Variants in MACROD2 observed in about 807,000 individuals in gnomAD.
MACROD2 encodes ADP-ribose glycohydrolase MACROD2.
In MACROD2, 36 loss-of-function variants were observed where a neutral mutation model predicts 70.4. The ratio of observed to expected loss-of-function variants is 0.51; its 90% confidence interval spans 0.39 to 0.68. MACROD2 has a LOEUF of 0.68. MACROD2 is among the 30% of genes least tolerant of loss of function. The pLI is 0.00. For synonymous variants in MACROD2, 172 were observed against 178.8 expected, an observed-to-expected ratio of 0.96 and a Z score of 0.30; for missense variants, 496 against 538.4, an observed-to-expected ratio of 0.92 and a Z score of 0.78.
At chr20:15,477,031 G>C in intron 7 of MACROD2, among the ~76,000 whole-genome samples, 1 of 150,922 alleles carries the variant, frequency 6.6e-6, no homozygotes, top group East Asian at 1.9e-4. Context: ...CGCTTGGACT[G>C]ATCTCCACTG....
Position 15,694,118 on chromosome 20 carries a change from A to T in MACROD2, c.646-168627A>T, listed in dbSNP as rs192480268. On this transcript the variant is annotated intron_variant, in intron 8 of 17. Coordinates refer to ENST00000684519, the MANE Select transcript of MACROD2 (RefSeq NM_001351661.2). Reference sequence around the variant, plus strand: ...AGTTTCTTTAGCCACTTGTTGATTGATGGGCATTTTGGTTGGTTGCACGGT... The same window carrying T: ...AGTTTCTTTAGCCACTTGTTGATTGTTGGGCATTTTGGTTGGTTGCACGGT... Among the ~76,000 whole-genome samples the T allele has an allele frequency of 1.3e-3, 191 of 152,252 alleles. 1 individual carries two copies. The highest frequency in any genetic ancestry group is 2.6e-3 in the African/African-American group (107 of 41,550).
At chr20:14,057,276 C>T (rs935716446) in intron 2 of MACROD2, among the ~76,000 whole-genome samples, 1 of 152,082 alleles carries the variant, frequency 6.6e-6, no homozygotes, top group Non-Finnish European at 1.5e-5. Flanking sequence ...GATTGATAAC[C>T]TGGACTGTTG....
intron 8 of MACROD2, among the ~76,000 whole-genome samples, chr20:15,846,792 A>C (rs1006991077): frequency 6.6e-6 from 1 of 151,980 alleles, no homozygotes; most frequent in Non-Finnish European, 1.5e-5. Flanking sequence ...CATGACTAGA[A>C]CATATGGTGA....
chr20:14,790,727 C>T (rs148042710), intron 5 of MACROD2, among the ~76,000 whole-genome samples: 1,621 of 152,200 alleles, frequency 0.011, 49 homozygotes, highest in African/African-American at 0.037. Context: ...GTTCACTAAT[C>T]GCCCCATGGA....
At chr20:14,250,220 G>T (rs2082000170) in intron 3 of MACROD2, among the ~76,000 whole-genome samples, 1 of 151,956 alleles carries the variant, frequency 6.6e-6, no homozygotes, top group Non-Finnish European at 1.5e-5. Context: ...GCGCAGTTGA[G>T]AGGATGTACT....
chr20:14,264,932 A>G (rs1388376397), intron 3 of MACROD2, among the ~76,000 whole-genome samples: 1 of 152,236 alleles, frequency 6.6e-6, no homozygotes, highest in African/African-American at 2.4e-5. Flanking sequence ...AATAATAACC[A>G]GAATGCAAAA....
intron 5 of MACROD2, among the ~76,000 whole-genome samples, chr20:14,946,556 A>G (rs1162759048): frequency 6.6e-6 from 1 of 152,128 alleles, no homozygotes; most frequent in Non-Finnish European, 1.5e-5. Context: ...TTGCATAAAT[A>G]TGATAGCATA....
At position 15,159,896 on chromosome 20, in the gene MACROD2, G is replaced by A. The variant is rs142200385; in HGVS notation, c.419-70044G>A. On this transcript the variant is annotated intron_variant, in intron 5 of 17. Coordinates refer to ENST00000684519, the MANE Select transcript of MACROD2 (RefSeq NM_001351661.2). ...AGTGGGAGAGGTTGGATCTTGGGGC[G>A]TTTGAGTTGACTTTCCCAGGAAAAT... 6.0e-3 allele frequency among the ~76,000 whole-genome samples: 906 copies of A among 152,066 alleles called. 5 individuals are homozygous for A. Among genetic ancestry groups the A allele is most frequent in the South Asian group, 0.015 (71 of 4,812 alleles).
At chr20:14,686,669 G>A (rs1407174776) in intron 5 of MACROD2, among the ~76,000 whole-genome samples, 1 of 152,136 alleles carries the variant, frequency 6.6e-6, no homozygotes, top group Non-Finnish European at 1.5e-5. Context: ...CTATAGTCTA[G>A]GTGTGTAGTA....
intron 13 of MACROD2, among the ~76,000 whole-genome samples, chr20:15,971,228 CTT>C (rs2066225558): frequency 6.6e-6 from 1 of 152,110 alleles, no homozygotes; most frequent in African/African-American, 2.4e-5. Flanking sequence ...TTCAGAGAAT[CTT>C]GAGATTCTCT....
At chr20:14,610,182 G>A (rs1400382797) in intron 4 of MACROD2, among the ~76,000 whole-genome samples, 1 of 151,946 alleles carries the variant, frequency 6.6e-6, no homozygotes, top group African/African-American at 2.4e-5. Context: ...GTTTGGAAAG[G>A]GGTTTATTGT....
chr20:14,412,474 C>T (rs2083760399), intron 3 of MACROD2, among the ~76,000 whole-genome samples: 1 of 152,120 alleles, frequency 6.6e-6, no homozygotes, highest in African/African-American at 2.4e-5. Flanking sequence ...GTTACAGACC[C>T]TAGGAGCAGT....
intron 3 of MACROD2, among the ~76,000 whole-genome samples, chr20:14,140,721 T>G (rs552639358): frequency 2.6e-5 from 4 of 152,258 alleles, no homozygotes; most frequent in Non-Finnish European, 5.9e-5. Context: ...GGGTGGGAGC[T>G]GGCTGGTTTT....
chr20:15,613,415 GC>G (rs1212043007), intron 8 of MACROD2, among the ~76,000 whole-genome samples: 1 of 152,146 alleles, frequency 6.6e-6, no homozygotes, highest in African/African-American at 2.4e-5. Context: ...TGTCCTTCCT[GC>G]CTTGAAAAAG....
intron 8 of MACROD2, among the ~76,000 whole-genome samples, chr20:15,761,192 C>T (rs535372399): frequency 1.3e-5 from 2 of 152,242 alleles, no homozygotes; most frequent in East Asian, 3.9e-4. Flanking sequence ...ATCACAGGCA[C>T]GCACCACCAG....
intron 8 of MACROD2, among the ~76,000 whole-genome samples, chr20:15,516,174 C>G (rs1443955414): frequency 2.0e-5 from 3 of 151,882 alleles, no homozygotes; most frequent in Non-Finnish European, 4.4e-5. Flanking sequence ...TTTTTTTAGT[C>G]CACTCAACAT....
At chr20:14,202,747 T>C (rs767197366) in intron 3 of MACROD2, among the ~76,000 whole-genome samples, 1 of 152,108 alleles carries the variant, frequency 6.6e-6, no homozygotes, top group Admixed American at 6.6e-5. Flanking sequence ...CTAAAGGAGG[T>C]AGAAATTCTC....
rs974819124 is a variant in MACROD2, at chr20:14,758,020, C to A, written c.418+73061C>A. On this transcript the variant is annotated intron_variant, in intron 5 of 17. Coordinates refer to ENST00000684519, the MANE Select transcript of MACROD2 (RefSeq NM_001351661.2). ...CAGCAACTGAATTCCAGTTTAGAGGCGAATTTGGTCATGGACATGGTCGGC... is the reference window on the plus strand; with the variant it reads ...CAGCAACTGAATTCCAGTTTAGAGGAGAATTTGGTCATGGACATGGTCGGC... 4 of 725,912 alleles carry A rather than the reference C, an allele frequency of 5.5e-6. No individual in the cohort carries two copies. In the East Asian group the frequency reaches 7.6e-5, roughly 14 times the overall value. 45.0% of individuals were successfully genotyped at this position (725,912 alleles called of 1,614,324 possible).
In MACROD2 at chr20:15,746,737, A is replaced by C. The variant is rs1361203721; in HGVS notation, c.646-116008A>C. On this transcript the variant is annotated intron_variant, in intron 8 of 17. Coordinates refer to ENST00000684519, the MANE Select transcript of MACROD2 (RefSeq NM_001351661.2). ...TCGTTTGCTGAATTGTATTAAATACATTTTCTGGATCTATTGAGGTTGTGT... is the reference window on the plus strand; with the variant it reads ...TCGTTTGCTGAATTGTATTAAATACCTTTTCTGGATCTATTGAGGTTGTGT... Among the ~76,000 whole-genome samples the C allele has an allele frequency of 2.0e-5, 3 of 152,130 alleles. No individual in the cohort carries two copies. In the South Asian group the frequency reaches 6.2e-4, roughly 32 times the overall value.
Sources: gnomAD v4.1 joint callset for allele counts (sites outside exome capture counted in the v4.1 genomes callset) on GRCh38, gnomAD v4.1.1 for gene constraint, MANE v1.5 for transcripts, NCBI Gene and HGNC (gene_info 2026-07-23, HGNC 2026-07-21) for gene names.